Variants in GPA33 observed in about 807,000 individuals in gnomAD.
The protein encoded by GPA33 is cell surface A33 antigen.
Under a neutral mutation model 35.6 loss-of-function variants are expected in GPA33, and 27 were observed. That is an observed-to-expected ratio of 0.76 (90% CI 0.56 to 1.04). GPA33 has a LOEUF of 1.04. Ranked by LOEUF, GPA33 falls within the 50% of genes least tolerant of loss-of-function variation. The pLI, the probability that GPA33 is intolerant of heterozygous loss-of-function variation, is 0.00. For missense variants in GPA33, 428 were observed against 411.9 expected, an observed-to-expected ratio of 1.04 and a Z score of -0.34; for synonymous variants, 176 against 164.0, an observed-to-expected ratio of 1.07 and a Z score of -0.56.
chr1:167,088,696 G>T (rs1215498074), intron 1 of GPA33, among the ~76,000 whole-genome samples: 1 of 152,176 alleles, frequency 6.6e-6, no homozygotes, highest in African/African-American at 2.4e-5. Flanking sequence ...TGAGCATCTT[G>T]TTTTAAGATC....
chr1:167,076,503 G>A (rs577299170), intron 1 of GPA33, among the ~76,000 whole-genome samples: 2 of 152,326 alleles, frequency 1.3e-5, no homozygotes, highest in South Asian at 4.1e-4. Flanking sequence ...ATTCCAGCTG[G>A]ATTAACACAC....
intron 1 of GPA33, among the ~76,000 whole-genome samples, chr1:167,088,706 C>A (rs981478865): frequency 1.3e-5 from 2 of 152,148 alleles, no homozygotes; most frequent in Non-Finnish European, 2.9e-5. Context: ...GTTTTAAGAT[C>A]GTTTTTCTAA....
chr1:167,053,004 T>C lies in GPA33; in HGVS notation c.*1330A>G, dbSNP rs1446305656. 1 of 152,128 alleles carries C rather than the reference T, an allele frequency of 6.6e-6. No individual in the cohort carries two copies. The highest frequency in any genetic ancestry group is 1.5e-5 in the Non-Finnish European group (1 of 68,014). The allele number at this position is 152,128 out of a possible 1,614,324, so 9.4% of individuals were successfully genotyped here. On this transcript the variant is annotated 3_prime_UTR_variant, in exon 7 of 7. Coordinates refer to ENST00000367868, the MANE Select transcript of GPA33 (RefSeq NM_005814.3). ...AAAAGATAGCAATAGTAAACTGCAG[T>C]TGGGTGAGACCAGCCACTGGTCCAT...
intron 6 of GPA33, 149 bp from the exon 7 acceptor site, chr1:167,054,615 T>G: frequency 1.0e-6 from 1 of 995,970 alleles, no homozygotes; most frequent in Non-Finnish European, 1.5e-6. Flanking sequence ...AAGGCTGGGC[T>G]GAGAGTAAAG....
At position 167,090,248 on chromosome 1, in the gene GPA33, C is replaced by G. The variant is rs1022964715; in HGVS notation, c.40G>C (p.Ala14Pro). The part of the protein sequence containing the change: ...KMWPVLWTLC[A>P]VRVTVDAISV... ...GAGAGAAAAGGGGCCTACTCACCTGCACAGAGTGTCCACAACACAGGCCAC... is the reference window on the plus strand; with the variant it reads ...GAGAGAAAAGGGGCCTACTCACCTGGACAGAGTGTCCACAACACAGGCCAC... The change falls in exon 1 of 7, where the codon GCA (alanine) becomes CCA (proline). Residue 14 changes from alanine (A) to proline (P), a missense_variant. Coordinates refer to ENST00000367868, the MANE Select transcript of GPA33 (RefSeq NM_005814.3). 4 of 1,612,610 alleles carry G rather than the reference C, an allele frequency of 2.5e-6. No homozygotes were observed. The highest frequency in any genetic ancestry group is 3.4e-6 in the Non-Finnish European group (4 of 1,178,706).
Position 167,069,015 on chromosome 1 carries a change from T to C in GPA33, c.322A>G (p.Thr108Ala), listed in dbSNP as rs1412620470. The change falls in exon 3 of 7, where the codon ACC becomes GCC. Residue 108 changes from threonine to alanine, a missense_variant. Coordinates refer to ENST00000367868, the MANE Select transcript of GPA33 (RefSeq NM_005814.3). ...TCGTAGGTGCCGTTGTCAGCCATGG[T>C]CAGCTGATCAATGGTGATGGAGGCA... Reference protein sequence around the residue: ...SDASITIDQLTMADNGTYECS... With the variant: ...SDASITIDQLAMADNGTYECS... 1 of 1,613,956 alleles carries C rather than the reference T, an allele frequency of 6.2e-7. No individual in the cohort carries two copies.
chr1:167,068,950 G>C lies in GPA33; in HGVS notation c.387C>G (p.Thr129=). The C allele has an allele frequency of 1.2e-6, 2 of 1,613,248 alleles. No individual in the cohort carries two copies. Among genetic ancestry groups the C allele is most frequent in the Non-Finnish European group, 1.7e-6 (2 of 1,179,864 alleles). ...VSLMSDLEGN[T]KSRVRLLVLV... is the part of the protein sequence containing the mutation. Reference sequence around the variant, plus strand: ...GGACCAACAGGCGGACACGTGACTTGGTGTTGCCCTCCAGGTCTGACATCA... The same window carrying C: ...GGACCAACAGGCGGACACGTGACTTCGTGTTGCCCTCCAGGTCTGACATCA... The change falls in exon 3 of 7, where the codon ACC becomes ACG. Residue 129 remains threonine (T), a synonymous_variant. Transcript: ENST00000367868.
At position 167,057,280 on chromosome 1, in the gene GPA33, T is replaced by A. The variant is rs528404523; in HGVS notation, c.572-1431A>T. Among the ~76,000 whole-genome samples, 247 of 152,240 alleles carry A rather than the reference T, an allele frequency of 1.6e-3. 1 individual carries two copies. The highest frequency in any genetic ancestry group is 4.3e-3 in the South Asian group (21 of 4,832). On this transcript the variant is annotated intron_variant, in intron 4 of 6. Coordinates refer to ENST00000367868, the MANE Select transcript of GPA33 (RefSeq NM_005814.3). ...ATCTATCATCCTATGAATTTCTTCA[T>A]CTTGAAAGCAAGAGCTTTGTGCTTG...
intron 1 of GPA33, among the ~76,000 whole-genome samples, chr1:167,085,353 G>C (rs2102205179): frequency 6.6e-6 from 1 of 152,330 alleles, no homozygotes; most frequent in African/African-American, 2.4e-5. Flanking sequence ...ATGCGGGAGA[G>C]ATTAGCCAGG....
intron 1 of GPA33, among the ~76,000 whole-genome samples, chr1:167,084,644 T>C (rs1249968362): frequency 2.0e-5 from 3 of 152,180 alleles, no homozygotes; most frequent in Non-Finnish European, 4.4e-5. Flanking sequence ...AGGCACAAGC[T>C]TGTCTGTGGA....
At position 167,073,446 on chromosome 1, in the gene GPA33, T is replaced by G. The variant is rs1407998090; in HGVS notation, c.137A>C (p.His46Pro). The G allele has an allele frequency of 1.2e-6, 2 of 1,612,876 alleles. No homozygotes were observed. Among genetic ancestry groups the G allele is most frequent in the Non-Finnish European group, 1.7e-6 (2 of 1,179,350 alleles). Residue 46 changes from histidine (H) to proline (P), a missense_variant, in exon 2 of 7, where the codon CAC becomes CCC. Transcript: ENST00000367868. ...TCCCTCTCGACTGGAGGTGGAAGTG[T>G]GGTAGGTGCAGGGCAGGGTGACACT... ...GKSVTLPCTY[H>P]TSTSSREGLI...
Position 167,054,433 on chromosome 1 carries a change from C to A in GPA33, c.861G>T (p.Gln287His), listed in dbSNP as rs751023332. Residue 287 changes from glutamine to histidine, a missense_variant, in exon 7 of 7, where the codon CAG becomes CAT. Coordinates refer to ENST00000367868, the MANE Select transcript of GPA33 (RefSeq NM_005814.3). ...NREAYEEPPE[Q>H]LRELSREREE... ...CCCTCTCTCTGGAAAGTTCTCTTAG[C>A]TGCTCTGGTGGCTCCTCATAGGCTT... 4.3e-6 allele frequency: 7 copies of A among 1,614,144 alleles called. No homozygotes were observed. Among genetic ancestry groups the A allele is most frequent in the Non-Finnish European group, 3.4e-6 (4 of 1,180,022 alleles).
chr1:167,063,689 C>T lies in GPA33; in HGVS notation c.464G>A (p.Gly155Glu), dbSNP rs1462709149. 2 of 1,613,612 alleles carry T rather than the reference C, an allele frequency of 1.2e-6. No homozygotes were observed. The highest frequency in any genetic ancestry group is 3.3e-5 in the Admixed American group (2 of 60,010). ...ECGIEGETII[G>E]NNIQLTCQSK... ...TTGGCAGGTCAGCTGGATGTTGTTC[C>T]CAATTATGGTCTCTCCCTCGATGCC... Residue 155 changes from glycine (G) to glutamate (E), a missense_variant, in exon 4 of 7, where the codon GGG (glycine) becomes GAG (glutamate). Physicochemically the swap from Gly to Glu is moderately conservative, Grantham distance 98. Transcript: ENST00000367868.
chr1:167,077,610 G>T (rs553412784), intron 1 of GPA33, among the ~76,000 whole-genome samples: 8 of 152,246 alleles, frequency 5.3e-5, no homozygotes, highest in African/African-American at 1.9e-4. Context: ...CTATCTGATA[G>T]TAACAATTCT....
Position 167,054,960 on chromosome 1 carries a change from C to T in GPA33, c.827+16G>A. 2 of 1,613,914 alleles carry T rather than the reference C, an allele frequency of 1.2e-6. No homozygotes were observed. Among genetic ancestry groups the T allele is most frequent in the Non-Finnish European group, 1.7e-6 (2 of 1,179,936 alleles). ...TCCCCAGACCCTTCCAACAGGCTAC[C>T]AGCCCAGACACTCACGGCCTTGCAT... On this transcript the variant is annotated intron_variant, in intron 6 of 6. Coordinates refer to ENST00000367868, the MANE Select transcript of GPA33 (RefSeq NM_005814.3).
intron 4 of GPA33, among the ~76,000 whole-genome samples, chr1:167,056,787 TGTG>T (rs1430284768): frequency 2.0e-3 from 1 of 492 alleles, no homozygotes; most frequent in African/African-American, 8.2e-3. Context: ...GCATGTGTAG[TGTG>T]GTGCGTGTGG....
intron 3 of GPA33, 65 bp from the exon 4 acceptor site, chr1:167,063,802 C>A: frequency 2.4e-6 from 3 of 1,267,408 alleles, no homozygotes; most frequent in Non-Finnish European, 3.4e-6. Flanking sequence ...GCCACCCACC[C>A]CTCCCCACCC....
chr1:167,079,941 T>A (rs1407594573), intron 1 of GPA33, among the ~76,000 whole-genome samples: 1 of 152,220 alleles, frequency 6.6e-6, no homozygotes, highest in Non-Finnish European at 1.5e-5. Flanking sequence ...GCATCCGTAC[T>A]CAGTGAATGA....
chr1:167,078,836 T>C (rs994882793), intron 1 of GPA33: 1 of 152,242 alleles, frequency 6.6e-6, no homozygotes, highest in African/African-American at 2.4e-5. Context: ...CACACAGTTT[T>C]CCTTTGAGAA....
Sources: gnomAD v4.1 joint callset for allele counts (sites outside exome capture counted in the v4.1 genomes callset) on GRCh38, gnomAD v4.1.1 for gene constraint, MANE v1.5 for transcripts, NCBI Gene and HGNC (gene_info 2026-07-23, HGNC 2026-07-21) for gene names.